The following TNIP1 variants were observed in gnomAD, a reference collection of about 807,000 sequenced individuals.
TNIP1 encodes the protein TNFAIP3-interacting protein 1.
TNIP1 carries 22 observed loss-of-function variants against 86.6 expected under a neutral mutation model. That is an observed-to-expected ratio of 0.25 (90% CI 0.18 to 0.36). The LOEUF (loss-of-function observed/expected upper bound fraction) is 0.36, where lower values mean the gene tolerates loss of function less well. Ranked by LOEUF, TNIP1 falls within the 10% of genes least tolerant of loss-of-function variation. The probability of loss-of-function intolerance (pLI) is 1.00; values close to 1 mark genes in which losing one functional copy is unlikely to be tolerated. For synonymous variants in TNIP1, 294 were observed against 313.0 expected (o/e 0.94, Z 0.64); for missense variants, 709 against 820.6 (o/e 0.86, Z 1.66).
intron 5 of TNIP1, among the ~76,000 whole-genome samples, chr5:151,057,390 C>T (rs558308271): frequency 5.9e-5 from 9 of 152,286 alleles, no homozygotes; most frequent in South Asian, 2.1e-4. Context: ...CCATGGGTTC[C>T]GCATCCATGG....
chr5:151,083,571 C>T (rs377497347), upstream of TNIP1, among the ~76,000 whole-genome samples: 7 of 152,334 alleles, frequency 4.6e-5, no homozygotes, highest in East Asian at 7.7e-4. Context: ...GCAGGTGCAA[C>T]CTCTTGTTCT....
chr5:151,057,893 G>A (rs571961642), intron 5 of TNIP1, among the ~76,000 whole-genome samples: 10 of 152,184 alleles, frequency 6.6e-5, no homozygotes, highest in Middle Eastern at 3.4e-3. Context: ...GAACTACTAC[G>A]CCATTTTACA....
chr5:151,065,195 A>T, intron 1 of TNIP1, 64 bp from the exon 2 acceptor site: 1 of 1,427,726 alleles, frequency 7.0e-7, no homozygotes, highest in Non-Finnish European at 9.5e-7. Flanking sequence ...TTTGCAGAGA[A>T]GCTCTAGTCT....
At chr5:151,043,840 T>C (rs898100056) in intron 9 of TNIP1, among the ~76,000 whole-genome samples, 10 of 151,612 alleles carry the variant, frequency 6.6e-5, no homozygotes, top group African/African-American at 2.4e-4. Context: ...TTCCTCAGTT[T>C]GAAGATGACA....
chr5:151,037,396 T>A (rs1001405148), intron 12 of TNIP1: 1 of 152,652 alleles, frequency 6.6e-6, no homozygotes, highest in African/African-American at 2.4e-5. Flanking sequence ...CCCCAACAAC[T>A]GCCCTGCCCT....
At chr5:151,050,027 G>A (rs1581796418) in intron 7 of TNIP1, 80 bp from the exon 8 acceptor site, 11 of 1,588,196 alleles carry the variant, frequency 6.9e-6, no homozygotes, top group Middle Eastern at 1.7e-4. Flanking sequence ...GCTCACTATC[G>A]CATGAGTTGC....
intron 2 of TNIP1, among the ~76,000 whole-genome samples, chr5:151,064,420 G>A (rs1039645756): frequency 8.5e-5 from 13 of 152,230 alleles, no homozygotes; most frequent in African/African-American, 3.1e-4. Context: ...GGAGGAGAAG[G>A]GGGCACAGCA....
intron 3 of TNIP1, 28 bp downstream of exon 3, chr5:151,063,585 G>T (rs202099820): frequency 5.0e-6 from 8 of 1,610,934 alleles, no homozygotes; most frequent in Non-Finnish European, 6.8e-6. Context: ...TACAGGGAGA[G>T]TCAGAGGTAC....
chr5:151,085,323 A>G (rs1764236121), upstream of TNIP1, among the ~76,000 whole-genome samples: 1 of 152,186 alleles, frequency 6.6e-6, no homozygotes, highest in African/African-American at 2.4e-5. Context: ...AAAGGTAGCG[A>G]TGATCATTAT....
intron 4 of TNIP1, among the ~76,000 whole-genome samples, chr5:151,061,346 C>CTA (rs1761540317): frequency 6.6e-6 from 1 of 152,188 alleles, no homozygotes; most frequent in Non-Finnish European, 1.5e-5. Flanking sequence ...CCTCCTCCAT[C>CTA]TACATTTTCC....
chr5:151,052,557 C>T (rs1263257573), intron 6 of TNIP1, among the ~76,000 whole-genome samples: 3 of 152,194 alleles, frequency 2.0e-5, no homozygotes, highest in African/African-American at 4.8e-5. Context: ...GCCGGGACCC[C>T]TATTCCCCAC....
At chr5:151,081,035 G>A (rs1212941107), upstream of TNIP1, 1 of 152,138 alleles carries the variant, frequency 6.6e-6, no homozygotes, top group Non-Finnish European at 1.5e-5. Flanking sequence ...ACGAGGAAGT[G>A]CCGGGGGCCT....
At chr5:151,059,810 AGAGAGAG>A (rs1761185498) in intron 5 of TNIP1, among the ~76,000 whole-genome samples, 2 of 114,644 alleles carry the variant, frequency 1.7e-5, no homozygotes, top group Non-Finnish European at 3.4e-5. Flanking sequence ...AGAGAGAGAG[AGAGAGAG>A]AGAGAGAGAG....
At chr5:151,037,082 T>C in intron 12 of TNIP1, 161 bp from the exon 13 acceptor site, 1 of 831,468 alleles carries the variant, frequency 1.2e-6, no homozygotes, top group Non-Finnish European at 1.8e-6. Flanking sequence ...ATTTGCATTC[T>C]ACACATATCA....
At chr5:151,059,828 A>AGAGAGAGAGAGAGAGAGTGTGT (rs1554076446) in intron 5 of TNIP1, among the ~76,000 whole-genome samples, 1 of 56,394 alleles carries the variant, frequency 1.8e-5, no homozygotes, top group Non-Finnish European at 3.2e-5. Flanking sequence ...AGAGAGAGAG[A>AGAGAGAGAGAGAGAGAGTGTGT]GTGTGTGTGT....
chr5:151,044,844 C>T (rs1258914366), intron 9 of TNIP1, among the ~76,000 whole-genome samples: 2 of 152,084 alleles, frequency 1.3e-5, no homozygotes, highest in African/African-American at 2.4e-5. Flanking sequence ...GACTCTGCTG[C>T]GTGGCTTCTC....
rs1763779762 is a variant in TNIP1, at chr5:151,079,631, A to G, written c.-37+1249T>C. On this transcript the variant is annotated intron_variant, in intron 1 of 17. Transcript: ENST00000521591. ...AGTGAGACTCTGTCTCAAAAAAAAA[A>G]AAAAGATTAAATGAGATACGGAATG... 2.6e-5 allele frequency among the ~76,000 whole-genome samples: 4 copies of G among 152,286 alleles called. No homozygotes were observed. In the South Asian group the frequency reaches 8.3e-4, roughly 32 times the overall value.
chr5:151,086,488 G>C (rs139045699), intron 1 of TNIP1, among the ~76,000 whole-genome samples: 1 of 152,274 alleles, frequency 6.6e-6, no homozygotes, highest in East Asian at 1.9e-4. Context: ...TCCCCTGGAG[G>C]CAGCGCCGAT....
At chr5:151,033,581 TG>T in intron 16 of TNIP1, 26 bp downstream of exon 16, 2 of 1,392,050 alleles carry the variant, frequency 1.4e-6, no homozygotes, top group Admixed American at 2.5e-5. Context: ...GTGTGTGCCC[TG>T]GAGCAAGGGA....
Sources: gnomAD v4.1 joint callset for allele counts (sites outside exome capture counted in the v4.1 genomes callset) on GRCh38, gnomAD v4.1.1 for gene constraint, MANE v1.5 for transcripts, NCBI Gene and HGNC (gene_info 2026-07-23, HGNC 2026-07-21) for gene names.